Variants in FRYL observed in about 807,000 individuals in gnomAD.
FRYL encodes the protein protein furry homolog-like.
Under a neutral mutation model 351.2 loss-of-function variants are expected in FRYL, and 150 were observed. The ratio of observed to expected loss-of-function variants is 0.43; its 90% CI spans 0.37 to 0.49. FRYL has a LOEUF of 0.49. FRYL is among the 20% of genes least tolerant of loss of function. The pLI, the probability that FRYL is intolerant of heterozygous loss-of-function variation, is 0.00. For missense variants in FRYL, 3,036 were observed against 3,619.3 expected (o/e 0.84, Z 4.13); for synonymous variants, 1,153 against 1,257.1 (o/e 0.92, Z 1.75).
rs753964830 is a variant in FRYL at position 48,510,055 on chromosome 4, T to C, written c.8394+4A>G. On this transcript the variant is annotated splice_donor_region_variant and intron_variant, in intron 59 of 63. Transcript: ENST00000358350. ...CTTTTCGCACATGGTAAAAAGAGAC[T>C]GACCTGCTCAGCGGCTTCTCTTTTC... The C allele has an allele frequency of 8.1e-6, 13 of 1,603,296 alleles. No homozygotes were observed. The highest frequency in any genetic ancestry group is 1.1e-5 in the Non-Finnish European group (13 of 1,170,298).
chr4:48,755,602 C>T (rs2109349286), intron 1 of FRYL, among the ~76,000 whole-genome samples: 1 of 152,218 alleles, frequency 6.6e-6, no homozygotes, highest in African/African-American at 2.4e-5. Flanking sequence ...TTCTCCTGAC[C>T]CACACTCTAA....
At chr4:48,724,053 A>G (rs1212834187) in intron 1 of FRYL, among the ~76,000 whole-genome samples, 1 of 151,810 alleles carries the variant, frequency 6.6e-6, no homozygotes, top group African/African-American at 2.4e-5. Context: ...GCTTGAGCCC[A>G]GGAGGTCCAG....
intron 9 of FRYL, among the ~76,000 whole-genome samples, chr4:48,607,073 C>T (rs1445803907): frequency 1.3e-5 from 2 of 152,126 alleles, no homozygotes; most frequent in Non-Finnish European, 2.9e-5. Context: ...CACTTAAAAT[C>T]AATACATCAT....
chr4:48,692,380 G>A (rs1417950273), intron 2 of FRYL, among the ~76,000 whole-genome samples: 2 of 151,920 alleles, frequency 1.3e-5, no homozygotes, highest in Non-Finnish European at 2.9e-5. Flanking sequence ...TTAAACTCAA[G>A]CCTTAGTTTC....
chr4:48,750,829 A>T (rs550308807), intron 1 of FRYL, among the ~76,000 whole-genome samples: 1 of 152,322 alleles, frequency 6.6e-6, no homozygotes, highest in Admixed American at 6.5e-5. Context: ...ATGACCCAAG[A>T]TGGCTACAGC....
At chr4:48,537,710 TAA>T (rs927156885) in intron 47 of FRYL, among the ~76,000 whole-genome samples, 1 of 152,158 alleles carries the variant, frequency 6.6e-6, no homozygotes, top group Non-Finnish European at 1.5e-5. Flanking sequence ...CTTAAAAACA[TAA>T]AAGATATTTG....
chr4:48,504,827 A>G (rs1378650026), intron 60 of FRYL, among the ~76,000 whole-genome samples: 1 of 9,218 alleles, frequency 1.1e-4, no homozygotes, highest in Non-Finnish European at 3.9e-4. Flanking sequence ...GCAGAACTTC[A>G]ATTTTTTACT....
At chr4:48,599,013 A>G in intron 13 of FRYL, 1 of 184,462 alleles carries the variant, frequency 5.4e-6, no homozygotes, top group Non-Finnish European at 1.0e-5. Flanking sequence ...GACAGTGGCC[A>G]GAAACACTAA....
In FRYL at chr4:48,540,740, T is replaced by G; in HGVS notation, c.5908A>C (p.Ser1970Arg). Residue 1970 changes from serine to arginine, a missense_variant, in exon 46 of 64, where the codon AGC becomes CGC. Ser to Arg is a moderately radical substitution (Grantham distance 110). This residue lies in a region of FRYL where 1,987 missense variants were observed against 2,311.7 expected (regional missense o/e 0.86). Transcript: ENST00000358350. ...LDIMDGRINH[S>R]SSLARTRSLS... ...CTTCTAGTCCTTGCTAAACTACTGC[T>G]ATGGTTTATCCGTCCATCCATTATA... is the stretch of plus-strand genomic sequence containing the variant. 1.2e-6 allele frequency: 2 copies of G among 1,614,076 alleles called. No individual in the cohort carries two copies. Among genetic ancestry groups the G allele is most frequent in the Non-Finnish European group, 1.7e-6 (2 of 1,179,928 alleles).
At position 48,634,396 on chromosome 4, in the gene FRYL, C is replaced by G; in HGVS notation, c.15G>C (p.Thr5=). 4 of 1,612,616 alleles carry G rather than the reference C, an allele frequency of 2.5e-6. No individual in the cohort carries two copies. The highest frequency in any genetic ancestry group is 2.5e-6 in the Non-Finnish European group (3 of 1,178,954). The change falls in exon 4 of 64, where the codon ACG becomes ACC. Residue 5 remains threonine (T), a synonymous_variant. Coordinates refer to ENST00000358350, the MANE Select transcript of FRYL (RefSeq NM_015030.2). MSNI[T]IDPDVKPGEY... Reference sequence around the variant, plus strand: ...CACCAGGTTTGACATCTGGGTCAATCGTAATGTTTGACATGATGATATTTT... The same window carrying G: ...CACCAGGTTTGACATCTGGGTCAATGGTAATGTTTGACATGATGATATTTT...
At chr4:48,530,929 G>C (rs997836654) in intron 50 of FRYL, among the ~76,000 whole-genome samples, 2 of 152,184 alleles carry the variant, frequency 1.3e-5, no homozygotes, top group Admixed American at 6.5e-5. Context: ...GGGAAGCTAA[G>C]TTGTGGCGTT....
At position 48,576,206 on chromosome 4, in the gene FRYL, T is replaced by C; in HGVS notation, c.2545A>G (p.Lys849Glu). The C allele has an allele frequency of 6.2e-7, 1 of 1,605,574 alleles. No homozygotes were observed. The change falls in exon 24 of 64, where the codon AAG (lysine) becomes GAG (glutamate). Residue 849 changes from lysine (K) to glutamate (E), a missense_variant. Physicochemically the swap from Lys to Glu is moderately conservative, Grantham distance 56 (BLOSUM62 1). Coordinates refer to ENST00000358350, the MANE Select transcript of FRYL (RefSeq NM_015030.2). ...CTGCTTGTGGTGGTATTTACTTTCTTAGCATTGATGGGGCTACTAAGGAAA... is the reference window on the plus strand; with the variant it reads ...CTGCTTGTGGTGGTATTTACTTTCTCAGCATTGATGGGGCTACTAAGGAAA... ...QVDINSPINA[K>E]KVNTTTSSDS...
chr4:48,558,227 G>A (rs1257257951), intron 33 of FRYL, among the ~76,000 whole-genome samples: 2 of 152,170 alleles, frequency 1.3e-5, no homozygotes, highest in Non-Finnish European at 2.9e-5. Context: ...GGAATATTAT[G>A]CACCCTTAAA....
intron 19 of FRYL, among the ~76,000 whole-genome samples, chr4:48,582,976 T>C (rs1741243278): frequency 6.6e-6 from 1 of 152,178 alleles, no homozygotes; most frequent in Admixed American, 6.5e-5. Context: ...ATAATCTGAA[T>C]AATAAGTTTG....
intron 1 of FRYL, among the ~76,000 whole-genome samples, chr4:48,751,238 C>G (rs1000504781): frequency 8.6e-5 from 13 of 151,468 alleles, no homozygotes; most frequent in Admixed American, 8.6e-4. Context: ...AGGAAATGAC[C>G]TCCCCTCTAT....
At chr4:48,719,955 T>A (rs1769280428) in intron 1 of FRYL, among the ~76,000 whole-genome samples, 1 of 149,414 alleles carries the variant, frequency 6.7e-6, no homozygotes, top group East Asian at 2.0e-4. Context: ...ATCGAGACCA[T>A]CCTGGCCAAC....
At chr4:48,733,464 A>C (rs1210491884) in intron 1 of FRYL, among the ~76,000 whole-genome samples, 2 of 152,068 alleles carry the variant, frequency 1.3e-5, no homozygotes, top group Non-Finnish European at 2.9e-5. Context: ...ATAAAAATAA[A>C]AAAAGGAAAA....
intron 4 of FRYL, among the ~76,000 whole-genome samples, chr4:48,629,445 C>T (rs1197484239): frequency 2.6e-5 from 4 of 152,110 alleles, no homozygotes; most frequent in East Asian, 3.8e-4. Context: ...AGGGGAAAGT[C>T]GGCAGTCTGT....
chr4:48,577,941 C>CAT (rs1739991733), intron 23 of FRYL, among the ~76,000 whole-genome samples: 1 of 149,504 alleles, frequency 6.7e-6, no homozygotes, highest in Non-Finnish European at 1.5e-5. Flanking sequence ...TACCTGAGAA[C>CAT]ATATATATAC....
Sources: gnomAD v4.1 joint callset for allele counts (sites outside exome capture counted in the v4.1 genomes callset) on GRCh38, gnomAD v4.1.1 for gene constraint, gnomAD v4.1.1 regional missense constraint, MANE v1.5 for transcripts, NCBI Gene and HGNC (gene_info 2026-07-23, HGNC 2026-07-21) for gene names.